MAP7: variants seen among roughly 807,000 people sequenced by gnomAD.
MAP7 encodes ensconsin.
Under a neutral mutation model 94.8 loss-of-function variants are expected in MAP7, and 52 were observed. That is an observed-to-expected ratio of 0.55 (90% CI 0.44 to 0.69). The LOEUF (loss-of-function observed/expected upper bound fraction) is 0.69, where lower values mean the gene tolerates loss of function less well. Among genes scored for constraint, MAP7 ranks in the 30% least tolerant of loss-of-function variants. The pLI is 0.00. For missense variants in MAP7, 940 were observed against 964.6 expected (o/e 0.97, Z 0.34); for synonymous variants, 350 against 357.0 (o/e 0.98, Z 0.22).
intron 1 of MAP7, among the ~76,000 whole-genome samples, chr6:136,503,839 T>G (rs1820558050): frequency 6.6e-6 from 1 of 152,252 alleles, no homozygotes; most frequent in Non-Finnish European, 1.5e-5. Flanking sequence ...CAATTTGGCA[T>G]GTGAAAATGC....
intron 3 of MAP7, among the ~76,000 whole-genome samples, chr6:136,390,004 A>C (rs1225136950): frequency 6.6e-6 from 1 of 152,208 alleles, no homozygotes; most frequent in Non-Finnish European, 1.5e-5. Context: ...TATCACATTG[A>C]GTCAGCTCAG....
chr6:136,451,090 A>G (rs1354789128), intron 1 of MAP7, among the ~76,000 whole-genome samples: 1 of 152,248 alleles, frequency 6.6e-6, no homozygotes, highest in African/African-American at 2.4e-5. Flanking sequence ...TGTACCAGAA[A>G]GAAAGGGATG....
intron 1 of MAP7, among the ~76,000 whole-genome samples, chr6:136,503,732 C>T (rs1296507575): frequency 6.6e-6 from 1 of 152,148 alleles, no homozygotes; most frequent in Non-Finnish European, 1.5e-5. Context: ...TCTCAAAAAT[C>T]AAAGTGTCTT....
intron 1 of MAP7, among the ~76,000 whole-genome samples, chr6:136,524,688 T>C (rs2129051976): frequency 6.6e-6 from 1 of 152,376 alleles, no homozygotes; most frequent in South Asian, 2.1e-4. Flanking sequence ...GGATTTAATG[T>C]AGACAGTTTC....
chr6:136,548,724 T>C (rs1829914531), intron 1 of MAP7, among the ~76,000 whole-genome samples: 3 of 152,228 alleles, frequency 2.0e-5, no homozygotes, highest in Admixed American at 2.0e-4. Context: ...TCTGAACAAG[T>C]TGTTCACGTG....
At chr6:136,464,339 G>C (rs1020621483) in intron 1 of MAP7, among the ~76,000 whole-genome samples, 1 of 152,198 alleles carries the variant, frequency 6.6e-6, no homozygotes, top group African/African-American at 2.4e-5. Context: ...CCTGCTACCT[G>C]TGGTCAACCA....
chr6:136,546,590 G>A (rs989291549), intron 1 of MAP7, among the ~76,000 whole-genome samples: 5 of 151,996 alleles, frequency 3.3e-5, no homozygotes, highest in Admixed American at 6.5e-5. Context: ...GACCACAGCC[G>A]GAAGTGATTC....
intron 1 of MAP7, among the ~76,000 whole-genome samples, chr6:136,468,633 TAATACAGTGTTGA>T (rs1291186112): frequency 6.6e-6 from 1 of 152,248 alleles, no homozygotes; most frequent in East Asian, 1.9e-4. Flanking sequence ...GCTTATTTTG[TAATACAGTGTTGA>T]ATATCTCATG....
intron 17 of MAP7, among the ~76,000 whole-genome samples, chr6:136,345,582 T>A (rs1787449393): frequency 6.6e-6 from 1 of 152,174 alleles, no homozygotes; most frequent in Non-Finnish European, 1.5e-5. Flanking sequence ...GGGTAATGGG[T>A]GCTGCTCTGT....
At chr6:136,454,189 T>TTCA (rs1357251967) in intron 1 of MAP7, among the ~76,000 whole-genome samples, 2 of 152,178 alleles carry the variant, frequency 1.3e-5, no homozygotes, top group African/African-American at 4.8e-5. Context: ...TCAGAATTCA[T>TTCA]TCATCATTGG....
chr6:136,371,341 G>A (rs1774442857), intron 8 of MAP7, among the ~76,000 whole-genome samples: 1 of 152,136 alleles, frequency 6.6e-6, no homozygotes, highest in Non-Finnish European at 1.5e-5. Context: ...GTTTAACTAC[G>A]GCTTTCTGTC....
intron 12 of MAP7, 62 bp from the exon 13 acceptor site, chr6:136,360,860 G>T: frequency 6.3e-7 from 1 of 1,589,804 alleles, no homozygotes. Flanking sequence ...GTCTCCCAGG[G>T]GGTGCCCAGA....
chr6:136,422,668 GTTATT>G (rs1327031644), intron 1 of MAP7, among the ~76,000 whole-genome samples: 1 of 151,898 alleles, frequency 6.6e-6, no homozygotes, highest in Non-Finnish European at 1.5e-5. Context: ...TTTATTTTAT[GTTATT>G]TTATTTTCCA....
At chr6:136,458,712 C>A (rs548713207) in intron 1 of MAP7, among the ~76,000 whole-genome samples, 1 of 152,050 alleles carries the variant, frequency 6.6e-6, no homozygotes, top group South Asian at 2.1e-4. Flanking sequence ...ACTAGATATC[C>A]GCATGCTTAA....
At chr6:136,436,458 C>A (rs1217309954) in intron 1 of MAP7, among the ~76,000 whole-genome samples, 1 of 151,878 alleles carries the variant, frequency 6.6e-6, no homozygotes, top group Non-Finnish European at 1.5e-5. Flanking sequence ...TAGCTTACTG[C>A]AGCCTCGAAC....
intron 2 of MAP7, among the ~76,000 whole-genome samples, chr6:136,416,762 C>T (rs1165543349): frequency 2.0e-5 from 3 of 151,300 alleles, no homozygotes; most frequent in Non-Finnish European, 4.4e-5. Context: ...GCCAAGATCG[C>T]ACCACTGCAC....
intron 1 of MAP7, among the ~76,000 whole-genome samples, chr6:136,515,539 G>A (rs1472289007): frequency 6.6e-6 from 1 of 152,118 alleles, no homozygotes; most frequent in East Asian, 1.9e-4. Flanking sequence ...TTCTTCACTT[G>A]AGCACTTAGA....
At chr6:136,374,258 T>G (rs938463844) in intron 7 of MAP7, among the ~76,000 whole-genome samples, 14 of 152,218 alleles carry the variant, frequency 9.2e-5, no homozygotes, top group African/African-American at 3.1e-4. Context: ...GGAATCTCTT[T>G]GTCATTTTGC....
chr6:136,359,985 T>A lies in MAP7; in HGVS notation c.1850A>T (p.Asp617Val), dbSNP rs751434344. The A allele has an allele frequency of 6.2e-7, 1 of 1,613,500 alleles. No individual in the cohort carries two copies. Among genetic ancestry groups the A allele is most frequent in the South Asian group, 1.1e-5 (1 of 90,832 alleles). ...AGAAAACGGCCATGTCAATACCTTA[T>A]CTGTAGCTTCTGTTCTCCTGGTTCT... The part of the protein sequence containing the change: ...MKRTRRTEAT[D>V]KKTSDQRNGD... Residue 617 changes from aspartate to valine, a missense_variant, in exon 14 of 18, where the codon GAT (aspartate) becomes GTT (valine). Asp to Val is a radical substitution (Grantham distance 152, BLOSUM62 -3). Transcript: ENST00000354570.
Sources: gnomAD v4.1 joint callset for allele counts (sites outside exome capture counted in the v4.1 genomes callset) on GRCh38, gnomAD v4.1.1 for gene constraint, MANE v1.5 for transcripts, NCBI Gene and HGNC (gene_info 2026-07-23, HGNC 2026-07-21) for gene names.